ETV2: variants seen among roughly 807,000 people sequenced by gnomAD.
ETV2 encodes the protein ETS variant transcription factor 2, also known as ETS translocation variant 2.
Under a neutral mutation model 35.7 loss-of-function variants are expected in ETV2, and 34 were observed. That is an observed-to-expected ratio of 0.95 (90% CI 0.72 to 1.27). ETV2 has a LOEUF of 1.27. Among genes scored for constraint, ETV2 ranks in the 50% most tolerant of loss-of-function variants. ETV2 has a pLI of 0.00. For missense variants in ETV2, 512 were observed against 470.5 expected, an observed-to-expected ratio of 1.09 and a Z score of -0.82; for synonymous variants, 207 against 203.9, an observed-to-expected ratio of 1.02 and a Z score of -0.13.
Position 35,644,428 on chromosome 19 carries a change from C to G in ETV2, c.828+81C>G, listed in dbSNP as rs563671226. On this transcript the variant is annotated intron_variant, in intron 6 of 6. Transcript: ENST00000402764. This position sits in a 1 kb window ranked among gnomAD's most constrained non-coding sequence, Gnocchi z 4.7. ...GCTCCGCCCAAGGGCTAGGTTCAAC[C>G]GCGTAGCCCTCGGCCCCGCCGCTCC... is the stretch of plus-strand genomic sequence containing the variant. 11 of 1,051,624 alleles carry G rather than the reference C, an allele frequency of 1.0e-5. No individual in the cohort carries two copies. Among genetic ancestry groups the G allele is most frequent in the Admixed American group, 2.1e-5 (1 of 47,460 alleles). 65.1% of individuals were successfully genotyped at this position (1,051,624 alleles called of 1,614,324 possible). A position where few individuals can be genotyped will look rare whatever the true frequency, so the allele number is the denominator to read the frequency against.
In ETV2 at chr19:35,642,146, A is replaced by C; in HGVS notation, c.-38A>C. The C allele has an allele frequency of 1.5e-5, 3 of 202,414 alleles. No individual in the cohort carries two copies. The highest frequency in any genetic ancestry group is 2.3e-5 in the African/African-American group (1 of 42,946). 12.5% of individuals were successfully genotyped at this position (202,414 alleles called of 1,614,324 possible). A position where few individuals can be genotyped will look rare whatever the true frequency, so the allele number is the denominator to read the frequency against. ...GAGACCCCCGGCTGGGGGCAGAGGA[A>C]CCCGCCAGAGGTGAGCGATGAACTG... is the stretch of plus-strand genomic sequence containing the variant. On this transcript the variant is annotated 5_prime_UTR_variant, in exon 1 of 7. Coordinates refer to ENST00000402764, the MANE Select transcript of ETV2 (RefSeq NM_014209.4). This position sits in a 1 kb window ranked among gnomAD's most constrained non-coding sequence, Gnocchi z 4.4.
At position 35,644,515 on chromosome 19, in the gene ETV2, C is replaced by G. The variant is rs1219946687; in HGVS notation, c.829-137C>G. 1.0e-6 allele frequency: 1 copy of G among 979,692 alleles called. No individual in the cohort carries two copies. The highest frequency in any genetic ancestry group is 2.6e-5 in the East Asian group (1 of 38,162). 60.7% of individuals were successfully genotyped at this position (979,692 alleles called of 1,614,324 possible). A position where few individuals can be genotyped will look rare whatever the true frequency, so the allele number is the denominator to read the frequency against. On this transcript the variant is annotated intron_variant, in intron 6 of 6. Transcript: ENST00000402764. This position sits in a 1 kb window ranked among gnomAD's most constrained non-coding sequence, Gnocchi z 4.7. ...CCCAATCTCCCGCCTGTACTCCTGC[C>G]TCAACCAACCCAGTCTCCACCGGGC...
chr19:35,644,788 G>T lies in ETV2; in HGVS notation c.965G>T (p.Gly322Val). ...CGAAAGTACACGTACCGCTTCGGGG[G>T]CCGCGTGCCCAGCCTAGCCTATCCG... ...GGRKYTYRFG[G>V]RVPSLAYPDC... The change falls in exon 7 of 7, where the codon GGC (glycine) becomes GTC (valine). Residue 322 changes from glycine to valine, a missense_variant. Coordinates refer to ENST00000402764, the MANE Select transcript of ETV2 (RefSeq NM_014209.4). The surrounding 1 kb of genome is among the most constrained non-coding windows in gnomAD (Gnocchi z 4.7). The T allele has an allele frequency of 6.2e-7, 1 of 1,611,908 alleles. No homozygotes were observed. The highest frequency in any genetic ancestry group is 8.5e-7 in the Non-Finnish European group (1 of 1,179,198).
Position 35,643,715 on chromosome 19 carries a change from G to A in ETV2, c.677G>A (p.Arg226His), listed in dbSNP as rs1386541632. The change falls in exon 5 of 7, where the codon CGT (arginine) becomes CAT (histidine). Residue 226 changes from arginine to histidine, a missense_variant. Coordinates refer to ENST00000402764, the MANE Select transcript of ETV2 (RefSeq NM_014209.4). This position sits in a 1 kb window ranked among gnomAD's most constrained non-coding sequence, Gnocchi z 5.0. ...TCCGAACCGAGCCCGCAGTCGGACC[G>A]TGCCAGTTTGGCTCGATGCCCCAAA... ...VCSEPSPQSD[R>H]ASLARCPKTN... 1.9e-6 allele frequency: 3 copies of A among 1,613,806 alleles called. No homozygotes were observed. The highest frequency in any genetic ancestry group is 2.5e-6 in the Non-Finnish European group (3 of 1,179,822).
In ETV2 at chr19:35,642,388, A is replaced by G; in HGVS notation, c.-27-46A>G. The G allele has an allele frequency of 1.9e-6, 2 of 1,057,026 alleles. No homozygotes were observed. The highest frequency in any genetic ancestry group is 2.8e-6 in the Non-Finnish European group (2 of 723,706). The allele number at this position is 1,057,026 out of a possible 1,614,324, so 65.5% of individuals were successfully genotyped here. A position where few individuals can be genotyped will look rare whatever the true frequency, so the allele number is the denominator to read the frequency against. On this transcript the variant is annotated intron_variant, in intron 1 of 6. Coordinates refer to ENST00000402764, the MANE Select transcript of ETV2 (RefSeq NM_014209.4). The surrounding 1 kb of genome is among the most constrained non-coding windows in gnomAD (Gnocchi z 4.4). ...TGGGGCCCAGACTCCAGGGCCTCCA[A>G]GTGTCACCAGCTCACCCATTGCCAT... is the stretch of plus-strand genomic sequence containing the variant.
At position 35,644,606 on chromosome 19, in the gene ETV2, C is replaced by T. The variant is rs1486533490; in HGVS notation, c.829-46C>T. The stretch of plus-strand genomic sequence containing the variant: ...CAGGCCCGGCCCTCCCCACTATCGC[C>T]AAGCCCCGCCCCTTCCCACTCCGAC... On this transcript the variant is annotated intron_variant, in intron 6 of 6. Coordinates refer to ENST00000402764, the MANE Select transcript of ETV2 (RefSeq NM_014209.4). The surrounding 1 kb of genome is among the most constrained non-coding windows in gnomAD (Gnocchi z 4.7). 2 of 1,550,452 alleles carry T rather than the reference C, an allele frequency of 1.3e-6. No individual in the cohort carries two copies. The highest frequency in any genetic ancestry group is 1.7e-6 in the Non-Finnish European group (2 of 1,145,784).
At position 35,644,808 on chromosome 19, in the gene ETV2, T is replaced by C; in HGVS notation, c.985T>C (p.Tyr329His). The part of the protein sequence containing the change: ...RFGGRVPSLA[Y>H]PDCAGGGRGA... ...CGGGGGCCGCGTGCCCAGCCTAGCC[T>C]ATCCGGACTGTGCGGGAGGCGGACG... The change falls in exon 7 of 7, where the codon TAT becomes CAT. Residue 329 changes from tyrosine to histidine, a missense_variant. Tyr to His is a moderately conservative substitution (Grantham distance 83). Coordinates refer to ENST00000402764, the MANE Select transcript of ETV2 (RefSeq NM_014209.4). The surrounding 1 kb of genome is among the most constrained non-coding windows in gnomAD (Gnocchi z 4.7). 1 of 1,612,014 alleles carries C rather than the reference T, an allele frequency of 6.2e-7. No homozygotes were observed. The highest frequency in any genetic ancestry group is 8.5e-7 in the Non-Finnish European group (1 of 1,179,116).
chr19:35,642,854 G>T lies in ETV2; in HGVS notation c.155-111G>T, dbSNP rs1967640435. On this transcript the variant is annotated intron_variant, in intron 3 of 6. Transcript: ENST00000402764. The surrounding 1 kb of genome is among the most constrained non-coding windows in gnomAD (Gnocchi z 4.4). Reference sequence around the variant, plus strand: ...AGGGTGAAGGAAAAGGGGGCGCGGGGTGCTGAAATACGGGCTGGGGGGCCA... The same window carrying T: ...AGGGTGAAGGAAAAGGGGGCGCGGGTTGCTGAAATACGGGCTGGGGGGCCA... 3 of 972,728 alleles carry T rather than the reference G, an allele frequency of 3.1e-6. No individual in the cohort carries two copies. In the East Asian group the frequency reaches 7.8e-5, roughly 25 times the overall value. The allele number at this position is 972,728 out of a possible 1,614,324, so 60.3% of individuals were successfully genotyped here.
chr19:35,642,971 G>A lies in ETV2; in HGVS notation c.161G>A (p.Ser54Asn). The A allele has an allele frequency of 6.4e-7, 1 of 1,567,214 alleles. No homozygotes were observed. The part of the protein sequence containing the change: ...ATAETCWKGT[S>N]SSLASFPQLD... ...CAGTCCTCCCTAAACTCAGGTACAA[G>A]CTCATCCCTGGCAAGCTTCCCACAG... is the stretch of plus-strand genomic sequence containing the variant. Residue 54 changes from serine (S) to asparagine (N), a missense_variant, in exon 4 of 7, where the codon AGC becomes AAC. Physicochemically the swap from Ser to Asn is conservative, Grantham distance 46 (BLOSUM62 1). Transcript: ENST00000402764. This position sits in a 1 kb window ranked among gnomAD's most constrained non-coding sequence, Gnocchi z 4.4.
In ETV2 at chr19:35,643,749, C is replaced by G. The variant is rs760001278; in HGVS notation, c.711C>G (p.His237Gln). 2 of 1,613,554 alleles carry G rather than the reference C, an allele frequency of 1.2e-6. No individual in the cohort carries two copies. The highest frequency in any genetic ancestry group is 1.7e-6 in the Non-Finnish European group (2 of 1,179,794). Residue 237 changes from histidine to glutamine, a missense_variant, in exon 5 of 7, where the codon CAC (histidine) becomes CAG (glutamine). Coordinates refer to ENST00000402764, the MANE Select transcript of ETV2 (RefSeq NM_014209.4). This position sits in a 1 kb window ranked among gnomAD's most constrained non-coding sequence, Gnocchi z 5.0. ...TGGCTCGATGCCCCAAAACTAACCA[C>G]CGAGGTGAGAGGGCCGCAAAGACTG... ...ASLARCPKTN[H>Q]RGPIQLWQFL... is the part of the protein sequence containing the mutation.
At position 35,642,909 on chromosome 19, in the gene ETV2, A is replaced by G; in HGVS notation, c.155-56A>G. 3.6e-6 allele frequency: 4 copies of G among 1,098,536 alleles called. No homozygotes were observed. The highest frequency in any genetic ancestry group is 1.3e-5 in the South Asian group (1 of 75,024). 68.0% of individuals were successfully genotyped at this position (1,098,536 alleles called of 1,614,324 possible). ...TCCCAGTCCCTGACAAGTAGAGACT[A>G]GAGAGTGGGTAGTTGAGGGGTCTCT... On this transcript the variant is annotated intron_variant, in intron 3 of 6. Transcript: ENST00000402764. This position sits in a 1 kb window ranked among gnomAD's most constrained non-coding sequence, Gnocchi z 4.4.
In ETV2 at chr19:35,642,777, C is replaced by A. The variant is rs1478827389; in HGVS notation, c.154+79C>A. The A allele has an allele frequency of 3.8e-6, 4 of 1,052,470 alleles. No individual in the cohort carries two copies. The highest frequency in any genetic ancestry group is 5.5e-6 in the Non-Finnish European group (4 of 728,394). The allele number at this position is 1,052,470 out of a possible 1,614,324, so 65.2% of individuals were successfully genotyped here. ...TCCTAGGGCAAAGGGAGGAGGGGGGCGTGCCTAGGTTCCTGGGACTGGGTG... is the reference window on the plus strand; with the variant it reads ...TCCTAGGGCAAAGGGAGGAGGGGGGAGTGCCTAGGTTCCTGGGACTGGGTG... On this transcript the variant is annotated intron_variant, in intron 3 of 6. Coordinates refer to ENST00000402764, the MANE Select transcript of ETV2 (RefSeq NM_014209.4). The surrounding 1 kb of genome is among the most constrained non-coding windows in gnomAD (Gnocchi z 4.4).
Position 35,644,611 on chromosome 19 carries a change from C to T in ETV2, c.829-41C>T. The T allele has an allele frequency of 6.4e-7, 1 of 1,568,304 alleles. No homozygotes were observed. Among genetic ancestry groups the T allele is most frequent in the African/African-American group, 1.3e-5 (1 of 74,204 alleles). ...CCGGCCCTCCCCACTATCGCCAAGCCCCGCCCCTTCCCACTCCGACCGAGC... is the reference window on the plus strand; with the variant it reads ...CCGGCCCTCCCCACTATCGCCAAGCTCCGCCCCTTCCCACTCCGACCGAGC... On this transcript the variant is annotated intron_variant, in intron 6 of 6. Coordinates refer to ENST00000402764, the MANE Select transcript of ETV2 (RefSeq NM_014209.4). This position sits in a 1 kb window ranked among gnomAD's most constrained non-coding sequence, Gnocchi z 4.7.
rs1325809479 is a variant in ETV2, at chr19:35,644,404, C to T, written c.828+57C>T. The stretch of plus-strand genomic sequence containing the variant: ...CCCCGTCTCTTCTAGTTCAATTTAG[C>T]TCCGCCCAAGGGCTAGGTTCAACCG... On this transcript the variant is annotated intron_variant, in intron 6 of 6. Coordinates refer to ENST00000402764, the MANE Select transcript of ETV2 (RefSeq NM_014209.4). The surrounding 1 kb of genome is among the most constrained non-coding windows in gnomAD (Gnocchi z 4.7). 3.2e-6 allele frequency: 4 copies of T among 1,246,746 alleles called. No individual in the cohort carries two copies. The highest frequency in any genetic ancestry group is 4.0e-5 in the Admixed American group (2 of 50,024). The allele number at this position is 1,246,746 out of a possible 1,614,324, so 77.2% of individuals were successfully genotyped here.
In ETV2 at chr19:35,643,085, T is replaced by G. The variant is rs779935415; in HGVS notation, c.235+40T>G. The G allele has an allele frequency of 5.9e-5, 81 of 1,369,116 alleles. No individual in the cohort carries two copies. Among genetic ancestry groups the G allele is most frequent in the Non-Finnish European group, 8.0e-5 (79 of 991,136 alleles). The allele number at this position is 1,369,116 out of a possible 1,614,324, so 84.8% of individuals were successfully genotyped here. On this transcript the variant is annotated intron_variant, in intron 4 of 6. Coordinates refer to ENST00000402764, the MANE Select transcript of ETV2 (RefSeq NM_014209.4). The surrounding 1 kb of genome is among the most constrained non-coding windows in gnomAD (Gnocchi z 5.0). ...AGGCGGTGGGAGGTGGGGACTGGGG[T>G]CCCGAGGCACCGGGGCTAGAGGTGT...
At position 35,644,287 on chromosome 19, in the gene ETV2, T is replaced by C. The variant is rs1203719167; in HGVS notation, c.768T>C (p.Arg256=). ...FLLELLHDGA[R]SSCIRWTGNS... is the part of the protein sequence containing the mutation. ...TGGAGCTGCTCCACGACGGGGCGCG[T>C]AGCAGCTGCATCCGTTGGACTGGCA... Residue 256 remains arginine (R), a synonymous_variant, in exon 6 of 7, where the codon CGT becomes CGC. Coordinates refer to ENST00000402764, the MANE Select transcript of ETV2 (RefSeq NM_014209.4). The surrounding 1 kb of genome is among the most constrained non-coding windows in gnomAD (Gnocchi z 4.7). 22 of 1,560,420 alleles carry C rather than the reference T, an allele frequency of 1.4e-5. No homozygotes were observed. Among genetic ancestry groups the C allele is most frequent in the Admixed American group, 1.9e-5 (1 of 52,492 alleles).
chr19:35,644,473 G>A lies in ETV2; in HGVS notation c.828+126G>A. On this transcript the variant is annotated intron_variant, in intron 6 of 6. Coordinates refer to ENST00000402764, the MANE Select transcript of ETV2 (RefSeq NM_014209.4). The surrounding 1 kb of genome is among the most constrained non-coding windows in gnomAD (Gnocchi z 4.7). ...CGCTCCCCGGCCCACTCGAGGCCCC[G>A]CCCAACCCTTCTCAAACCCAATCTC... 1 of 905,734 alleles carries A rather than the reference G, an allele frequency of 1.1e-6. No individual in the cohort carries two copies. The highest frequency in any genetic ancestry group is 3.2e-4 in the Middle Eastern group (1 of 3,164). The allele number at this position is 905,734 out of a possible 1,614,324, so 56.1% of individuals were successfully genotyped here.
Position 35,642,285 on chromosome 19 carries a change from T to G in ETV2, c.-28+129T>G, listed in dbSNP as rs376202778. ...GAGGAAGAGAGCTGGGGTCCCTCAC[T>G]CCCAGGACCAAGATTTTAGGCTCCT... On this transcript the variant is annotated intron_variant, in intron 1 of 6. Coordinates refer to ENST00000402764, the MANE Select transcript of ETV2 (RefSeq NM_014209.4). This position sits in a 1 kb window ranked among gnomAD's most constrained non-coding sequence, Gnocchi z 4.4. 4 of 564,982 alleles carry G rather than the reference T, an allele frequency of 7.1e-6. No homozygotes were observed. The highest frequency in any genetic ancestry group is 1.2e-5 in the Non-Finnish European group (4 of 320,128). The allele number at this position is 564,982 out of a possible 1,614,324, so 35.0% of individuals were successfully genotyped here. A position where few individuals can be genotyped will look rare whatever the true frequency, so the allele number is the denominator to read the frequency against.
Position 35,644,575 on chromosome 19 carries a change from C to CA in ETV2, c.829-77_829-76insA. 1 of 1,414,408 alleles carries CA rather than the reference C, an allele frequency of 7.1e-7. No homozygotes were observed. The highest frequency in any genetic ancestry group is 9.5e-7 in the Non-Finnish European group (1 of 1,047,862). 87.6% of individuals were successfully genotyped at this position (1,414,408 alleles called of 1,614,324 possible). A position where few individuals can be genotyped will look rare whatever the true frequency, so the allele number is the denominator to read the frequency against. On this transcript the variant is annotated intron_variant, in intron 6 of 6. Transcript: ENST00000402764. The surrounding 1 kb of genome is among the most constrained non-coding windows in gnomAD (Gnocchi z 4.7). ...CCTCGCCCAGGTCTGCACTGCACAC[C>CA]GCCCCCAGGCCCGGCCCTCCCCACT...
Sources: gnomAD v4.1 joint callset for allele counts on GRCh38, gnomAD v4.1.1 for gene constraint, Gnocchi (gnomAD v3.1) non-coding constraint, MANE v1.5 for transcripts, NCBI Gene and HGNC (gene_info 2026-07-23, HGNC 2026-07-21) for gene names.